The following PTPRK variants were observed in gnomAD, a reference collection of about 807,000 sequenced individuals.
PTPRK encodes protein tyrosine phosphatase receptor type K, also known as receptor-type tyrosine-protein phosphatase kappa.
Under a neutral mutation model 178.0 loss-of-function variants are expected in PTPRK, and 75 were observed. The observed-to-expected ratio is 0.42, with a 90% CI of 0.35 to 0.51. PTPRK has a LOEUF of 0.51. PTPRK is among the 20% of genes least tolerant of loss of function. PTPRK has a pLI of 0.02. For synonymous variants in PTPRK, 637 were observed against 620.6 expected (o/e 1.03, Z -0.39); for missense variants, 1,441 against 1,797.8 (o/e 0.80, Z 3.59).
rs199973356 is a variant in PTPRK at position 128,184,637 on chromosome 6, G to A, written c.957C>T (p.Gly319=). 3.8e-5 allele frequency: 62 copies of A among 1,613,944 alleles called. 1 individual carries two copies. Among genetic ancestry groups the A allele is most frequent in the South Asian group, 6.6e-5 (6 of 91,068 alleles). The change falls in exon 7 of 30, where the codon GGC becomes GGT. Residue 319 remains glycine (G), a synonymous_variant. Transcript: ENST00000368226. The part of the protein sequence containing the change: ...LIQLNANSII[G]DGPIILKEVE... ...CTTCTTTCAGGATGATAGGACCATC[G>A]CCAATGATCGAGTTGGCATTTAGTT...
chr6:128,213,055 TTAAA>T (rs769640175), intron 6 of PTPRK, among the ~76,000 whole-genome samples: 1 of 152,092 alleles, frequency 6.6e-6, no homozygotes, highest in Non-Finnish European at 1.5e-5. Context: ...TCTACTACTC[TTAAA>T]TAAACATAGA....
At chr6:128,028,400 T>G (rs1487868662) in intron 13 of PTPRK, among the ~76,000 whole-genome samples, 1 of 152,226 alleles carries the variant, frequency 6.6e-6, no homozygotes, top group African/African-American at 2.4e-5. Flanking sequence ...GCTGCCACCC[T>G]GCCCTCAAGA....
intron 13 of PTPRK, among the ~76,000 whole-genome samples, chr6:128,047,285 T>C (rs1285223736): frequency 6.6e-6 from 1 of 152,206 alleles, no homozygotes; most frequent in East Asian, 1.9e-4. Context: ...GAAGGACTTA[T>C]ATCATCATTG....
intron 2 of PTPRK, among the ~76,000 whole-genome samples, chr6:128,354,653 AT>A (rs1833725354): frequency 1.3e-5 from 2 of 152,228 alleles, no homozygotes; most frequent in Non-Finnish European, 2.9e-5. Flanking sequence ...GGTTAACATG[AT>A]TAGAAAGAGT....
intron 7 of PTPRK, among the ~76,000 whole-genome samples, chr6:128,132,523 CCT>C (rs112854477): frequency 0.026 from 3,885 of 152,332 alleles, 76 homozygotes; most frequent in Middle Eastern, 0.095. Flanking sequence ...ATAGTCTCTT[CCT>C]CTGATTCTCC....
intron 2 of PTPRK, among the ~76,000 whole-genome samples, chr6:128,370,697 T>C (rs1836152709): frequency 6.6e-6 from 1 of 152,106 alleles, no homozygotes. Context: ...CATTTGTAAA[T>C]ATGTTTTAGA....
chr6:128,459,780 T>C (rs1848805040), intron 1 of PTPRK, among the ~76,000 whole-genome samples: 1 of 152,200 alleles, frequency 6.6e-6, no homozygotes, highest in African/African-American at 2.4e-5. Flanking sequence ...AGTCTGTTCT[T>C]GCATTGCTAT....
chr6:128,382,747 A>G (rs550522354), intron 2 of PTPRK, among the ~76,000 whole-genome samples: 5 of 152,148 alleles, frequency 3.3e-5, no homozygotes, highest in African/African-American at 1.2e-4. Context: ...GCCAAAAATT[A>G]TAAATTGTTT....
At chr6:128,170,834 T>G (rs934605472) in intron 7 of PTPRK, among the ~76,000 whole-genome samples, 1 of 151,980 alleles carries the variant, frequency 6.6e-6, no homozygotes, top group African/African-American at 2.4e-5. Flanking sequence ...AGATTATGAA[T>G]GACTTTAAAA....
At chr6:128,330,531 C>T (rs1830129023) in intron 2 of PTPRK, among the ~76,000 whole-genome samples, 1 of 151,998 alleles carries the variant, frequency 6.6e-6, no homozygotes. Context: ...TATTTTCAAG[C>T]TCTCTCCTCA....
intron 5 of PTPRK, among the ~76,000 whole-genome samples, chr6:128,219,587 G>A (rs959195821): frequency 1.3e-5 from 2 of 152,328 alleles, no homozygotes; most frequent in Non-Finnish European, 1.5e-5. Flanking sequence ...CAGCCTGGGG[G>A]TTGGGGACCC....
intron 2 of PTPRK, among the ~76,000 whole-genome samples, chr6:128,373,232 G>A (rs1836544454): frequency 2.0e-5 from 3 of 152,136 alleles, no homozygotes; most frequent in Admixed American, 6.5e-5. Flanking sequence ...TTGACTCTTT[G>A]CAAAGCTGCG....
intron 15 of PTPRK, chr6:128,003,364 C>CA: frequency 1.1e-6 from 1 of 891,302 alleles, no homozygotes; most frequent in Non-Finnish European, 1.7e-6. Flanking sequence ...CTGTATTCTG[C>CA]AAATGTAAAA....
At position 128,132,506 on chromosome 6, in the gene PTPRK, A is replaced by G. The variant is rs149952668; in HGVS notation, c.1163-42514T>C. Among the ~76,000 whole-genome samples the G allele has an allele frequency of 4.9e-4, 74 of 152,308 alleles. 1 individual carries two copies. The highest frequency in any genetic ancestry group is 1.7e-3 in the African/African-American group (72 of 41,596). ...TGTTTTAAAAATGAAAACTAGTGCC[A>G]TCAGTAATAGTCTCTTCCTCTGATT... On this transcript the variant is annotated intron_variant, in intron 7 of 29. Coordinates refer to ENST00000368226, the MANE Select transcript of PTPRK (RefSeq NM_002844.4).
intron 2 of PTPRK, among the ~76,000 whole-genome samples, chr6:128,381,899 T>C (rs575887446): frequency 6.6e-6 from 1 of 152,144 alleles, no homozygotes; most frequent in East Asian, 1.9e-4. Flanking sequence ...CAGAAATTAA[T>C]TTCAGGCCAG....
chr6:128,506,659 CAAAAAAAAA>C (rs60473661), intron 1 of PTPRK, among the ~76,000 whole-genome samples: 2 of 53,094 alleles, frequency 3.8e-5, no homozygotes, highest in African/African-American at 6.8e-5. Flanking sequence ...AACTCTGTCT[CAAAAAAAAA>C]AAAAAAAAAA....
chr6:128,051,848 C>T, intron 13 of PTPRK, among the ~76,000 whole-genome samples: 1 of 152,142 alleles, frequency 6.6e-6, no homozygotes, highest in Non-Finnish European at 1.5e-5. Flanking sequence ...CTACACTTGG[C>T]TTTTCCAAAA....
At chr6:128,244,600 T>A (rs1815116962) in intron 3 of PTPRK, among the ~76,000 whole-genome samples, 1 of 152,204 alleles carries the variant, frequency 6.6e-6, no homozygotes, top group Non-Finnish European at 1.5e-5. Context: ...AACAGTGGCA[T>A]CTAGATGCAC....
chr6:128,040,686 C>T (rs754906235), intron 13 of PTPRK, among the ~76,000 whole-genome samples: 1 of 152,114 alleles, frequency 6.6e-6, no homozygotes, highest in Non-Finnish European at 1.5e-5. Flanking sequence ...CTGTAAGGCT[C>T]TTCCTGCCAC....
Sources: allele counts gnomAD v4.1 joint callset (sites outside exome capture counted in the v4.1 genomes callset), GRCh38; gene constraint gnomAD v4.1.1; transcripts MANE v1.5; gene names NCBI Gene and HGNC (gene_info 2026-07-23, HGNC 2026-07-21).